PCNX2: variants seen among roughly 807,000 people sequenced by gnomAD.
The protein encoded by PCNX2 is pecanex-like protein 2.
PCNX2 carries 168 observed loss-of-function variants against 223.8 expected under a neutral mutation model. The observed-to-expected ratio is 0.75, with a 90% CI of 0.66 to 0.85. The LOEUF is 0.85. Among genes scored for constraint, PCNX2 ranks in the 40% least tolerant of loss-of-function variants. The probability of loss-of-function intolerance (pLI) is 0.00; values close to 1 mark genes in which losing one functional copy is unlikely to be tolerated. For missense variants in PCNX2, 2,507 were observed against 2,675.5 expected (o/e 0.94, Z 1.39); for synonymous variants, 1,006 against 1,052.6 (o/e 0.96, Z 0.86).
chr1:233,286,679 G>A (rs746192414), intron 1 of PCNX2, among the ~76,000 whole-genome samples: 5 of 152,046 alleles, frequency 3.3e-5, no homozygotes, highest in Non-Finnish European at 7.4e-5. Flanking sequence ...GACAAGGCTG[G>A]CAAGGAGAAC....
chr1:233,054,637 T>C, intron 24 of PCNX2, 154 bp from the exon 25 acceptor site: 1 of 654,388 alleles, frequency 1.5e-6, no homozygotes, highest in Middle Eastern at 3.9e-4. Flanking sequence ...TTTTAGTGGA[T>C]TATATGAGAC....
chr1:232,998,221 C>A, intron 32 of PCNX2, 30 bp downstream of exon 32: 1 of 1,497,904 alleles, frequency 6.7e-7, no homozygotes, highest in South Asian at 1.4e-5. Flanking sequence ...AGGACTTCAT[C>A]GATAGTTTGG....
chr1:233,238,194 G>A (rs1658534414), intron 8 of PCNX2, among the ~76,000 whole-genome samples: 1 of 152,058 alleles, frequency 6.6e-6, no homozygotes, highest in African/African-American at 2.4e-5. Flanking sequence ...TATTACAGAA[G>A]GTTACTTGTA....
At chr1:233,086,597 G>A (rs547700970) in intron 23 of PCNX2, among the ~76,000 whole-genome samples, 2 of 152,114 alleles carry the variant, frequency 1.3e-5, no homozygotes, top group Non-Finnish European at 2.9e-5. Context: ...CGTGAACCTG[G>A]GAGGCGGAGC....
chr1:233,274,546 T>C (rs552571008), intron 1 of PCNX2, among the ~76,000 whole-genome samples: 12 of 151,790 alleles, frequency 7.9e-5, no homozygotes, highest in African/African-American at 2.7e-4. Context: ...AGCATGAGAG[T>C]AGATGTATAG....
intron 1 of PCNX2, among the ~76,000 whole-genome samples, chr1:233,284,353 T>TCA (rs1023913377): frequency 6.6e-6 from 1 of 152,146 alleles, no homozygotes; most frequent in Admixed American, 6.5e-5. Context: ...AGTCAGACTC[T>TCA]CACACACCTT....
chr1:233,234,194 G>T (rs1054716991), intron 9 of PCNX2, among the ~76,000 whole-genome samples: 11 of 152,190 alleles, frequency 7.2e-5, no homozygotes, highest in African/African-American at 2.7e-4. Context: ...ATATTTGTTG[G>T]ATAATGACAA....
intron 26 of PCNX2, 54 bp downstream of exon 26, chr1:233,025,092 T>C (rs1671033443): frequency 5.0e-6 from 8 of 1,600,060 alleles, no homozygotes; most frequent in East Asian, 2.2e-5. Context: ...CTTTCGGAGC[T>C]TCCTGTGCCA....
chr1:233,295,934 C>A (rs1662083247), upstream of PCNX2, among the ~76,000 whole-genome samples: 1 of 106,556 alleles, frequency 9.4e-6, no homozygotes, highest in Admixed American at 8.5e-5. This position sits in a 1 kb window ranked among gnomAD's most constrained non-coding sequence, Gnocchi z 4.1. Context: ...CTCTCTCTTT[C>A]TTCCTTCCTT....
At chr1:233,264,453 C>T (rs936175985) in intron 1 of PCNX2, among the ~76,000 whole-genome samples, 1 of 152,140 alleles carries the variant, frequency 6.6e-6, no homozygotes, top group Non-Finnish European at 1.5e-5. Context: ...TACAGCTTGC[C>T]GTGGTCCCAT....
chr1:233,185,132 T>C (rs552680958), intron 15 of PCNX2, among the ~76,000 whole-genome samples: 364 of 128,426 alleles, frequency 2.8e-3, no homozygotes, highest in Non-Finnish European at 4.0e-3. Flanking sequence ...CACACACACA[T>C]CCCTCAGATT....
intron 23 of PCNX2, among the ~76,000 whole-genome samples, chr1:233,064,240 C>G (rs147710624): frequency 3.8e-4 from 58 of 152,270 alleles, no homozygotes; most frequent in African/African-American, 1.3e-3. Context: ...TAATTTTACA[C>G]TGGCTTCATC....
At chr1:233,027,170 G>A (rs1266266624) in intron 25 of PCNX2, among the ~76,000 whole-genome samples, 2 of 152,124 alleles carry the variant, frequency 1.3e-5, no homozygotes, top group East Asian at 1.9e-4. Context: ...GGGAACATCA[G>A]TTACATCAAA....
intron 15 of PCNX2, among the ~76,000 whole-genome samples, chr1:233,180,159 A>G (rs1679706993): frequency 6.6e-6 from 1 of 152,238 alleles, no homozygotes; most frequent in Non-Finnish European, 1.5e-5. Flanking sequence ...GCACCAGGGA[A>G]CAAGCATTTC....
chr1:233,241,317 G>A (rs908943819), intron 8 of PCNX2: 47 of 985,408 alleles, frequency 4.8e-5, no homozygotes, highest in Middle Eastern at 5.2e-4. Flanking sequence ...CACACTGAGC[G>A]GCAGGGCCAA....
intron 25 of PCNX2, among the ~76,000 whole-genome samples, chr1:233,046,878 T>C (rs764535783): frequency 1.1e-4 from 16 of 152,238 alleles, no homozygotes; most frequent in Admixed American, 3.9e-4. Context: ...ACTTTTTCTA[T>C]CACCAGAATC....
intron 28 of PCNX2, among the ~76,000 whole-genome samples, chr1:233,007,560 C>T (rs6677201): frequency 0.27 from 40,422 of 151,878 alleles, 5,933 homozygotes; most frequent in East Asian, 0.49. Context: ...TTTTTTGAGA[C>T]GGAGTCTCTC....
chr1:233,248,844 C>T (rs921617948), intron 8 of PCNX2, among the ~76,000 whole-genome samples: 42 of 152,166 alleles, frequency 2.8e-4, no homozygotes, highest in African/African-American at 8.4e-4. Flanking sequence ...CCATCACCCG[C>T]GCAGCACCCC....
intron 23 of PCNX2, among the ~76,000 whole-genome samples, chr1:233,082,094 C>G (rs1157469611): frequency 1.3e-5 from 2 of 152,050 alleles, no homozygotes; most frequent in African/African-American, 4.8e-5. Context: ...GGGTTAATAT[C>G]GTGGCTCAGC....
Sources: gnomAD v4.1 joint callset for allele counts (sites outside exome capture counted in the v4.1 genomes callset) on GRCh38, gnomAD v4.1.1 for gene constraint, Gnocchi (gnomAD v3.1) non-coding constraint, MANE v1.5 for transcripts, NCBI Gene and HGNC (gene_info 2026-07-23, HGNC 2026-07-21) for gene names.